Variants in PALLD observed in about 807,000 individuals in gnomAD.
PALLD encodes palladin, cytoskeletal associated protein, also known as palladin.
PALLD carries 61 observed loss-of-function variants against 123.5 expected under a neutral mutation model. That is an observed-to-expected ratio of 0.49 (90% CI 0.40 to 0.61). The LOEUF is 0.61. Among genes scored for constraint, PALLD ranks in the 20% least tolerant of loss-of-function variants. The pLI is 0.00. For synonymous variants in PALLD, 465 were observed against 496.4 expected, an observed-to-expected ratio of 0.94 and a Z score of 0.84; for missense variants, 1,273 against 1,377.0, an observed-to-expected ratio of 0.92 and a Z score of 1.20.
At chr4:168,577,926 A>C (rs950310141) in intron 2 of PALLD, among the ~76,000 whole-genome samples, 6 of 151,680 alleles carry the variant, frequency 4.0e-5, no homozygotes, top group Non-Finnish European at 8.8e-5. Context: ...ATAAGAGAGG[A>C]CACATGAATG....
chr4:168,878,454 T>TCC, intron 10 of PALLD: 1 of 1,287,112 alleles, frequency 7.8e-7, no homozygotes, highest in East Asian at 2.9e-5. Flanking sequence ...GCCCTGGGAC[T>TCC]CCCACATCTC....
At chr4:168,804,886 T>C (rs572344026) in intron 10 of PALLD, among the ~76,000 whole-genome samples, 6 of 150,784 alleles carry the variant, frequency 4.0e-5, no homozygotes, top group East Asian at 4.0e-4. Context: ...CGAGGCCGGG[T>C]GTGGTGGCTC....
At chr4:168,798,558 C>T (rs1738847999) in intron 10 of PALLD, among the ~76,000 whole-genome samples, 1 of 152,032 alleles carries the variant, frequency 6.6e-6, no homozygotes, top group Non-Finnish European at 1.5e-5. Context: ...TACAGATTTG[C>T]AGTAACATTG....
chr4:168,588,563 G>A (rs775779165), intron 2 of PALLD, among the ~76,000 whole-genome samples: 2 of 151,916 alleles, frequency 1.3e-5, no homozygotes, highest in Admixed American at 6.6e-5. Context: ...AGCCACACCC[G>A]GCTAACTTTT....
intron 10 of PALLD, among the ~76,000 whole-genome samples, chr4:168,733,982 G>T (rs867970198): frequency 2.0e-5 from 3 of 152,140 alleles, no homozygotes; most frequent in Admixed American, 6.5e-5. Flanking sequence ...TGATCTGCCC[G>T]CCTTGGCCTC....
In PALLD at chr4:168,873,519, C is replaced by T. The variant is rs1441106229; in HGVS notation, c.1965-17403C>T. On this transcript the variant is annotated intron_variant, in intron 10 of 21. Coordinates refer to ENST00000505667, the MANE Select transcript of PALLD (RefSeq NM_001166108.2). ...ATTACTTGCAATCCAGATATTGCTC[C>T]AGAGAGACATATCAGGAATTTCCAA... Among the ~76,000 whole-genome samples the T allele has an allele frequency of 2.0e-5, 3 of 152,138 alleles. No homozygotes were observed. In the East Asian group the frequency reaches 5.8e-4, roughly 29 times the overall value.
At chr4:168,612,353 AC>A (rs1773816548) in intron 2 of PALLD, among the ~76,000 whole-genome samples, 1 of 151,390 alleles carries the variant, frequency 6.6e-6, no homozygotes, top group Non-Finnish European at 1.5e-5. Context: ...ATGTGGTTCC[AC>A]CCCCAACCCA....
At chr4:168,657,150 T>C (rs1778661481) in intron 2 of PALLD, among the ~76,000 whole-genome samples, 1 of 152,212 alleles carries the variant, frequency 6.6e-6, no homozygotes, top group South Asian at 2.1e-4. Context: ...TCCTTCAACA[T>C]GATTCACAGA....
chr4:168,510,046 T>C (rs1020580658), intron 1 of PALLD, among the ~76,000 whole-genome samples: 4 of 152,228 alleles, frequency 2.6e-5, no homozygotes, highest in Non-Finnish European at 5.9e-5. Flanking sequence ...AGTTTACTCC[T>C]GACTGACACA....
intron 10 of PALLD, among the ~76,000 whole-genome samples, chr4:168,846,279 T>G (rs1746830766): frequency 6.6e-6 from 1 of 152,248 alleles, no homozygotes; most frequent in Non-Finnish European, 1.5e-5. Flanking sequence ...CATGTTTCCT[T>G]TTATAACGTG....
intron 2 of PALLD, among the ~76,000 whole-genome samples, chr4:168,640,747 T>C (rs1776858465): frequency 6.6e-6 from 1 of 152,250 alleles, no homozygotes; most frequent in Non-Finnish European, 1.5e-5. Flanking sequence ...ATTACCCCAG[T>C]TTACAGATGA....
intron 2 of PALLD, among the ~76,000 whole-genome samples, chr4:168,662,605 C>T (rs1358218276): frequency 6.6e-6 from 1 of 152,222 alleles, no homozygotes; most frequent in African/African-American, 2.4e-5. Flanking sequence ...GTATGTTTCA[C>T]TGTTTAGCTT....
At chr4:168,647,265 T>A (rs1777554689) in intron 2 of PALLD, among the ~76,000 whole-genome samples, 1 of 152,188 alleles carries the variant, frequency 6.6e-6, no homozygotes, top group African/African-American at 2.4e-5. Flanking sequence ...CTAGTTAGGA[T>A]CTAGTAAGTT....
At chr4:168,612,247 A>G (rs1253994196) in intron 2 of PALLD, among the ~76,000 whole-genome samples, 3 of 114,340 alleles carry the variant, frequency 2.6e-5, no homozygotes, top group African/African-American at 1.1e-4. Flanking sequence ...CTTGAAATCT[A>G]GGTTTACAAA....
chr4:168,585,493 T>C (rs1337603658), intron 2 of PALLD, among the ~76,000 whole-genome samples: 3 of 152,216 alleles, frequency 2.0e-5, no homozygotes, highest in African/African-American at 7.2e-5. Context: ...GACCCACATC[T>C]TTTTATGAAG....
chr4:168,554,954 C>T (rs1767123084), intron 2 of PALLD, among the ~76,000 whole-genome samples: 1 of 152,094 alleles, frequency 6.6e-6, no homozygotes, highest in Non-Finnish European at 1.5e-5. Flanking sequence ...GAACAAAATA[C>T]ATTAAAATGG....
At chr4:168,770,871 C>T (rs1175764780) in intron 10 of PALLD, among the ~76,000 whole-genome samples, 1 of 152,144 alleles carries the variant, frequency 6.6e-6, no homozygotes, top group East Asian at 1.9e-4. Flanking sequence ...CCAGCCTGGC[C>T]AACATGGCAA....
At chr4:168,793,517 G>C (rs1737949175) in intron 10 of PALLD, among the ~76,000 whole-genome samples, 1 of 151,852 alleles carries the variant, frequency 6.6e-6, no homozygotes, top group Non-Finnish European at 1.5e-5. Context: ...TCAGAAAGAA[G>C]GGTAGAGAGT....
rs5863966 is a variant in PALLD at position 168,891,682 on chromosome 4, T to TA, written c.2100+640dup. ...AACAAATGAGCAATGCCAATGGTAT[T>TA]AAAAAAAAAAAAAAAGGAACACAGG... On this transcript the variant is annotated intron_variant, in intron 11 of 21. Coordinates refer to ENST00000505667, the MANE Select transcript of PALLD (RefSeq NM_001166108.2). 9.5e-3 allele frequency among the ~76,000 whole-genome samples: 1,352 copies of TA among 142,842 alleles called. 18 individuals carry two copies. Among genetic ancestry groups the TA allele is most frequent in the African/African-American group, 0.031 (1,201 of 38,284 alleles). The allele number at this position is 142,842 out of a possible 152,430, so 93.7% of individuals were successfully genotyped here. A position where few individuals can be genotyped will look rare whatever the true frequency, so the allele number is the denominator to read the frequency against.
Sources: gnomAD v4.1 joint callset for allele counts (sites outside exome capture counted in the v4.1 genomes callset) on GRCh38, gnomAD v4.1.1 for gene constraint, MANE v1.5 for transcripts, NCBI Gene and HGNC (gene_info 2026-07-23, HGNC 2026-07-21) for gene names.